Variants in L3MBTL2 observed in about 807,000 individuals in gnomAD.
L3MBTL2 encodes lethal(3)malignant brain tumor-like protein 2.
Under a neutral mutation model 86.4 loss-of-function variants are expected in L3MBTL2, and 49 were observed. The ratio of observed to expected loss-of-function variants is 0.57; its 90% CI spans 0.45 to 0.72. The LOEUF (loss-of-function observed/expected upper bound fraction) is 0.72, where lower values mean the gene tolerates loss of function less well. Among genes scored for constraint, L3MBTL2 ranks in the 30% least tolerant of loss-of-function variants. The pLI, the probability that L3MBTL2 is intolerant of heterozygous loss-of-function variation, is 0.00. For missense variants in L3MBTL2, 755 were observed against 923.7 expected (o/e 0.82, Z 2.37); for synonymous variants, 336 against 350.6 (o/e 0.96, Z 0.47).
chr22:41,207,613 C>T (rs981392718), intron 1 of L3MBTL2, among the ~76,000 whole-genome samples: 11 of 152,100 alleles, frequency 7.2e-5, no homozygotes, highest in Admixed American at 6.6e-4. Flanking sequence ...GGTCATACAG[C>T]GAGTAAGCAC....
chr22:41,206,806 C>CA (rs137931070), intron 1 of L3MBTL2, among the ~76,000 whole-genome samples: 1,490 of 114,316 alleles, frequency 0.013, 18 homozygotes, highest in South Asian at 0.025. Context: ...GACTGTGTCT[C>CA]AAAAAAAAAA....
At chr22:41,215,182 A>G (rs2031243835) in intron 3 of L3MBTL2, among the ~76,000 whole-genome samples, 1 of 152,008 alleles carries the variant, frequency 6.6e-6, no homozygotes, top group Admixed American at 6.6e-5. Flanking sequence ...TGCTTCATAC[A>G]CTGTCGCCTT....
At chr22:41,207,443 G>A (rs1569134282) in intron 1 of L3MBTL2, among the ~76,000 whole-genome samples, 1 of 151,568 alleles carries the variant, frequency 6.6e-6, no homozygotes, top group African/African-American at 2.4e-5. Flanking sequence ...GTCTGGTCTT[G>A]AACTCCTAGG....
rs912327854 is a variant in L3MBTL2 at position 41,219,484 on chromosome 22, T to C, written c.666T>C (p.Asp222=). 3 of 1,613,868 alleles carry C rather than the reference T, an allele frequency of 1.9e-6. No homozygotes were observed. In the African/African-American group the frequency reaches 4.0e-5, roughly 22 times the overall value. ...KGMKVEVLNS[D]AVLPSRVYWI... is the part of the protein sequence containing the mutation. Reference sequence around the variant, plus strand: ...TGAAGGTGGAGGTGCTCAACAGTGATGCTGTGCTCCCCAGCCGGGTGTACT... The same window carrying C: ...TGAAGGTGGAGGTGCTCAACAGTGACGCTGTGCTCCCCAGCCGGGTGTACT... Residue 222 remains aspartate, a synonymous_variant, in exon 6 of 17, where the codon GAT becomes GAC. Transcript: ENST00000216237.
Position 41,227,920 on chromosome 22 carries a change from G to A in L3MBTL2, c.1888+51G>A. 1 of 1,598,634 alleles carries A rather than the reference G, an allele frequency of 6.3e-7. No individual in the cohort carries two copies. Among genetic ancestry groups the A allele is most frequent in the Non-Finnish European group, 8.5e-7 (1 of 1,172,454 alleles). ...GCTGGTGTGGGCCTGGGAGCAGTGG[G>A]CCTGCGTCCCTGGGAGCAGGCGGGG... is the stretch of plus-strand genomic sequence containing the variant. On this transcript the variant is annotated intron_variant, in intron 15 of 16. Transcript: ENST00000216237. The surrounding 1 kb of genome is among the most constrained non-coding windows in gnomAD (Gnocchi z 6.0).
intron 5 of L3MBTL2, chr22:41,217,857 C>G (rs2031513244): frequency 6.6e-6 from 1 of 152,400 alleles, no homozygotes; most frequent in Non-Finnish European, 1.5e-5. Context: ...AAGCCACTTC[C>G]TCTCCTCCTT....
Position 41,227,289 on chromosome 22 carries a change from C to T in L3MBTL2, c.1788C>T (p.Leu596=). 1 of 1,609,032 alleles carries T rather than the reference C, an allele frequency of 6.2e-7. No homozygotes were observed. The highest frequency in any genetic ancestry group is 8.5e-7 in the Non-Finnish European group (1 of 1,178,186). The part of the protein sequence containing the change: ...PDIYPVGWCE[L]TGYQLQPPVA... ...TCTACCCCGTCGGCTGGTGTGAGCT[C>T]ACCGGCTACCAGCTCCAGCCTCCTG... The change falls in exon 14 of 17, where the codon CTC becomes CTT. Residue 596 remains leucine (L), a synonymous_variant. Transcript: ENST00000216237. The surrounding 1 kb of genome is among the most constrained non-coding windows in gnomAD (Gnocchi z 6.0).
chr22:41,214,252 T>A (rs933416624), intron 3 of L3MBTL2: 3 of 464,356 alleles, frequency 6.5e-6, no homozygotes, highest in South Asian at 5.2e-5. Context: ...TCCCCCAGAG[T>A]CTGGTGTATT....
intron 4 of L3MBTL2, 192 bp from the exon 5 acceptor site, chr22:41,216,931 C>T (rs1011729744): frequency 5.3e-6 from 3 of 565,298 alleles, no homozygotes; most frequent in African/African-American, 3.8e-5. Flanking sequence ...ATTCAGTCCT[C>T]AACAGTGGTC....
rs1569151263 is a variant in L3MBTL2 at position 41,225,953 on chromosome 22, G to T, written c.1504+12G>T. Reference sequence around the variant, plus strand: ...CACACCGCCAAAAGGTAAGACTAGAGAGGCCACCACCTGCTGTCCTTGCCA... The same window carrying T: ...CACACCGCCAAAAGGTAAGACTAGATAGGCCACCACCTGCTGTCCTTGCCA... On this transcript the variant is annotated intron_variant, in intron 12 of 16. Coordinates refer to ENST00000216237, the MANE Select transcript of L3MBTL2 (RefSeq NM_031488.5). The surrounding 1 kb of genome is among the most constrained non-coding windows in gnomAD (Gnocchi z 4.1). 1 of 1,613,222 alleles carries T rather than the reference G, an allele frequency of 6.2e-7. No homozygotes were observed. The highest frequency in any genetic ancestry group is 8.5e-7 in the Non-Finnish European group (1 of 1,179,930).
chr22:41,218,267 C>G (rs2031547369), intron 5 of L3MBTL2: 1 of 152,192 alleles, frequency 6.6e-6, no homozygotes, highest in Admixed American at 6.5e-5. Context: ...AATCCCAGCA[C>G]TTTGGGAGGC....
At position 41,227,765 on chromosome 22, in the gene L3MBTL2, C is replaced by G; in HGVS notation, c.1823-39C>G. On this transcript the variant is annotated intron_variant, in intron 14 of 16. Transcript: ENST00000216237. This position sits in a 1 kb window ranked among gnomAD's most constrained non-coding sequence, Gnocchi z 6.0. The stretch of plus-strand genomic sequence containing the variant: ...CTGTGCCCTGTGTCCTCCCAGGGAC[C>G]CTCTTCTCATCTCTTTCACCCTTGT... 1.2e-6 allele frequency: 2 copies of G among 1,613,232 alleles called. No individual in the cohort carries two copies. Among genetic ancestry groups the G allele is most frequent in the South Asian group, 1.1e-5 (1 of 90,886 alleles).
At chr22:41,209,493 A>G (rs995878580) in intron 1 of L3MBTL2, 6 of 562,242 alleles carry the variant, frequency 1.1e-5, no homozygotes, top group African/African-American at 9.3e-5. Flanking sequence ...TTCCTAACAC[A>G]TATTTTCTGT....
chr22:41,212,625 G>C (rs8141477), intron 2 of L3MBTL2, among the ~76,000 whole-genome samples: 2 of 151,758 alleles, frequency 1.3e-5, no homozygotes, highest in African/African-American at 4.8e-5. Context: ...GCCAGGCATG[G>C]TGGCTCACGC....
At chr22:41,223,922 A>C in intron 8 of L3MBTL2, 98 bp from the exon 9 acceptor site, 1 of 936,750 alleles carries the variant, frequency 1.1e-6, no homozygotes, top group East Asian at 2.6e-5. Flanking sequence ...AGTGTGGGGG[A>C]TAACACCACA....
intron 8 of L3MBTL2, 43 bp from the exon 9 acceptor site, chr22:41,223,977 G>T (rs922818145): frequency 1.3e-6 from 2 of 1,501,632 alleles, no homozygotes; most frequent in Non-Finnish European, 9.3e-7. Context: ...TGGGTGGGAA[G>T]AGCCCTGAGC....
chr22:41,220,872 A>T lies in L3MBTL2; in HGVS notation c.853+4A>T. On this transcript the variant is annotated splice_donor_region_variant and intron_variant, in intron 7 of 16. Transcript: ENST00000216237. ...AAGATCCTAGTGCCCCCACGGAGTG[A>T]GTTGATGAGAACATTTCCTCTCTTG... is the stretch of plus-strand genomic sequence containing the variant. The T allele has an allele frequency of 1.2e-6, 2 of 1,611,618 alleles. No individual in the cohort carries two copies. The highest frequency in any genetic ancestry group is 1.7e-6 in the Non-Finnish European group (2 of 1,178,080).
chr22:41,219,827 C>T (rs1400597923), intron 6 of L3MBTL2, among the ~76,000 whole-genome samples: 2 of 152,114 alleles, frequency 1.3e-5, no homozygotes, highest in Admixed American at 1.3e-4. Context: ...CTGCAACCTC[C>T]ACCTCCTGGG....
intron 15 of L3MBTL2, chr22:41,228,401 C>G (rs2032341525): frequency 1.0e-6 from 1 of 985,350 alleles, no homozygotes; most frequent in African/African-American, 1.7e-5. Context: ...AGATTCTGAG[C>G]CCAGCTTGGG....
Sources: gnomAD v4.1 joint callset for allele counts (sites outside exome capture counted in the v4.1 genomes callset) on GRCh38, gnomAD v4.1.1 for gene constraint, Gnocchi (gnomAD v3.1) non-coding constraint, MANE v1.5 for transcripts, NCBI Gene and HGNC (gene_info 2026-07-23, HGNC 2026-07-21) for gene names.